The following LONP2 variants were observed in gnomAD, a reference collection of about 807,000 sequenced individuals.
The protein encoded by LONP2 is lon protease homolog 2, peroxisomal.
Under a neutral mutation model 85.6 loss-of-function variants are expected in LONP2, and 60 were observed. That is an observed-to-expected ratio of 0.70 (90% CI 0.57 to 0.87). The LOEUF (loss-of-function observed/expected upper bound fraction) is 0.87, where lower values mean the gene tolerates loss of function less well. Ranked by LOEUF, LONP2 falls within the 40% of genes least tolerant of loss-of-function variation. The probability of loss-of-function intolerance (pLI) is 0.00; values close to 1 mark genes in which losing one functional copy is unlikely to be tolerated. For synonymous variants in LONP2, 395 were observed against 389.7 expected (o/e 1.01, Z -0.16); for missense variants, 860 against 1,063.5 (o/e 0.81, Z 2.66).
rs887523936 is a variant in LONP2 at position 48,352,289 on chromosome 16, C to CCAAT, written c.*492_*495dup. The CCAAT allele has an allele frequency of 2.5e-5, 4 of 157,136 alleles. No individual in the cohort carries two copies. Among genetic ancestry groups the CCAAT allele is most frequent in the African/African-American group, 7.2e-5 (3 of 41,432 alleles). The allele number at this position is 157,136 out of a possible 1,614,324, so 9.7% of individuals were successfully genotyped here. A position where few individuals can be genotyped will look rare whatever the true frequency, so the allele number is the denominator to read the frequency against. ...CTGTAGAGTTTATTGGATCCTGAAA[C>CCAAT]CAATCAATTACTTAGAACTAGGCAA... On this transcript the variant is annotated 3_prime_UTR_variant, in exon 15 of 15. Coordinates refer to ENST00000285737, the MANE Select transcript of LONP2 (RefSeq NM_031490.5).
chr16:48,268,783 A>G (rs533394872), intron 6 of LONP2, among the ~76,000 whole-genome samples: 29 of 152,276 alleles, frequency 1.9e-4, no homozygotes, highest in Middle Eastern at 3.4e-3. Flanking sequence ...CAATAGTACT[A>G]TAATTAAATT....
intron 11 of LONP2, among the ~76,000 whole-genome samples, chr16:48,329,659 T>C (rs1010074934): frequency 2.0e-5 from 3 of 152,218 alleles, no homozygotes; most frequent in African/African-American, 7.2e-5. Context: ...TCTGGAAATG[T>C]ATCGCCTGTG....
Position 48,252,516 on chromosome 16 carries a change from T to C in LONP2, c.468+151T>C, listed in dbSNP as rs372743081. ...ATATATTAATTCTGATTTACTCTTA[T>C]CTGGGGTTGTACCTAAATCATTCCA... On this transcript the variant is annotated intron_variant, in intron 2 of 14. Transcript: ENST00000285737. 6.2e-5 allele frequency: 31 copies of C among 498,644 alleles called. No homozygotes were observed. The South Asian group carries it at 1.3e-3, about 22-fold the overall frequency. 30.9% of individuals were successfully genotyped at this position (498,644 alleles called of 1,614,324 possible).
At chr16:48,297,878 T>G (rs958776183) in intron 9 of LONP2, among the ~76,000 whole-genome samples, 6 of 152,190 alleles carry the variant, frequency 3.9e-5, no homozygotes, top group African/African-American at 1.4e-4. Flanking sequence ...TTTTGTATTT[T>G]TAGTAGAGAT....
In LONP2 at chr16:48,244,587, G is replaced by A. The variant is rs1177758201; in HGVS notation, c.199G>A (p.Ala67Thr). Residue 67 changes from alanine (A) to threonine (T), a missense_variant, in exon 1 of 15, where the codon GCC (alanine) becomes ACC (threonine). Physicochemically the swap from Ala to Thr is moderately conservative, Grantham distance 58 (BLOSUM62 0). Around this residue, in one of 3 missense-constraint regions of LONP2, gnomAD observed 743 missense variants for 917.3 expected, o/e 0.81. Coordinates refer to ENST00000285737, the MANE Select transcript of LONP2 (RefSeq NM_031490.5). ...LGVIPNTPDP[A>T]SDAQDLPPLH... Reference sequence around the variant, plus strand: ...CGTCATCCCCAACACGCCTGACCCCGCCAGCGACGCGCAGGACCTGCCGCC... The same window carrying A: ...CGTCATCCCCAACACGCCTGACCCCACCAGCGACGCGCAGGACCTGCCGCC... The A allele has an allele frequency of 6.7e-7, 1 of 1,493,316 alleles. No homozygotes were observed. Among genetic ancestry groups the A allele is most frequent in the East Asian group, 2.9e-5 (1 of 35,040 alleles). 92.5% of individuals were successfully genotyped at this position (1,493,316 alleles called of 1,614,324 possible).
intron 8 of LONP2, among the ~76,000 whole-genome samples, chr16:48,286,499 T>C (rs1596947832): frequency 1.3e-5 from 2 of 152,060 alleles, no homozygotes; most frequent in African/African-American, 4.8e-5. Context: ...ATGGTTTCCA[T>C]TGACTTCTCT....
intron 11 of LONP2, among the ~76,000 whole-genome samples, chr16:48,308,472 C>G (rs1371801333): frequency 6.6e-6 from 1 of 151,842 alleles, no homozygotes; most frequent in African/African-American, 2.4e-5. Flanking sequence ...ACTAAAAATA[C>G]AAAAATTAGC....
rs1192144058 is a variant in LONP2, at chr16:48,356,597, G to GT, written c.*4798dup. The stretch of plus-strand genomic sequence containing the variant: ...TCCAACACTAATGCTCATTTTTTTT[G>GT]TTTGTTTTACAAACATTTGGTGGAT... On this transcript the variant is annotated 3_prime_UTR_variant, in exon 15 of 15. Coordinates refer to ENST00000285737, the MANE Select transcript of LONP2 (RefSeq NM_031490.5). The GT allele has an allele frequency of 1.9e-4, 41 of 219,692 alleles. No individual in the cohort carries two copies. Among genetic ancestry groups the GT allele is most frequent in the Non-Finnish European group, 2.8e-4 (30 of 109,006 alleles). 13.6% of individuals were successfully genotyped at this position (219,692 alleles called of 1,614,324 possible).
At chr16:48,293,219 G>A (rs1007389138) in intron 8 of LONP2, among the ~76,000 whole-genome samples, 6 of 152,100 alleles carry the variant, frequency 3.9e-5, no homozygotes, top group Non-Finnish European at 7.4e-5. Flanking sequence ...ACGAGGTCAG[G>A]AGATCGAGAC....
At chr16:48,255,617 C>T (rs935489161) in intron 2 of LONP2, among the ~76,000 whole-genome samples, 1 of 152,096 alleles carries the variant, frequency 6.6e-6, no homozygotes, top group Non-Finnish European at 1.5e-5. Context: ...TGTGTCCCCA[C>T]CCAAATATCA....
At chr16:48,300,667 A>G (rs1467053606) in intron 10 of LONP2, among the ~76,000 whole-genome samples, 1 of 151,430 alleles carries the variant, frequency 6.6e-6, no homozygotes, top group Non-Finnish European at 1.5e-5. Flanking sequence ...ATCTATTTAG[A>G]TTTATATACA....
chr16:48,343,470 A>G (rs1959873630), intron 12 of LONP2, among the ~76,000 whole-genome samples: 2 of 152,166 alleles, frequency 1.3e-5, no homozygotes, highest in South Asian at 4.1e-4. Flanking sequence ...AGGCTGAGGC[A>G]GGTGGATCAT....
intron 5 of LONP2, 119 bp downstream of exon 5, chr16:48,261,706 A>G (rs1971883037): frequency 2.8e-6 from 2 of 710,626 alleles, no homozygotes; most frequent in Non-Finnish European, 4.3e-6. Flanking sequence ...TTCCACCTGC[A>G]GTGTGCTGTC....
chr16:48,333,168 G>A (rs1412798801), intron 11 of LONP2, among the ~76,000 whole-genome samples: 1 of 151,846 alleles, frequency 6.6e-6, no homozygotes, highest in Non-Finnish European at 1.5e-5. Context: ...TCTGGCCACA[G>A]ATTACGTAAT....
At chr16:48,323,959 C>G (rs1292781743) in intron 11 of LONP2, among the ~76,000 whole-genome samples, 1 of 152,162 alleles carries the variant, frequency 6.6e-6, no homozygotes, top group African/African-American at 2.4e-5. Context: ...CCTTGGCAGC[C>G]CTGGTCAGTA....
At chr16:48,256,387 G>A (rs1971761312) in intron 2 of LONP2, among the ~76,000 whole-genome samples, 1 of 152,164 alleles carries the variant, frequency 6.6e-6, no homozygotes, top group Non-Finnish European at 1.5e-5. Context: ...GTAAACATTA[G>A]TGTTAACTAC....
chr16:48,339,280 A>G (rs1351473579), intron 12 of LONP2, among the ~76,000 whole-genome samples: 2 of 152,216 alleles, frequency 1.3e-5, no homozygotes, highest in African/African-American at 4.8e-5. Context: ...TTCAAGAAAG[A>G]GGGGACATCA....
At chr16:48,321,052 GT>G (rs1660861142) in intron 11 of LONP2, among the ~76,000 whole-genome samples, 2 of 152,088 alleles carry the variant, frequency 1.3e-5, no homozygotes, top group Admixed American at 6.6e-5. Flanking sequence ...TCCCACCTCA[GT>G]CCCTAGAGTA....
At chr16:48,283,450 T>C (rs1972372621) in intron 8 of LONP2, among the ~76,000 whole-genome samples, 1 of 152,316 alleles carries the variant, frequency 6.6e-6, no homozygotes, top group African/African-American at 2.4e-5. Flanking sequence ...ATGCAGCTGG[T>C]GACTTTAAGA....
Sources: allele counts gnomAD v4.1 joint callset (sites outside exome capture counted in the v4.1 genomes callset), GRCh38; gene constraint gnomAD v4.1.1; regional missense constraint gnomAD v4.1.1; transcripts MANE v1.5; gene names NCBI Gene and HGNC (gene_info 2026-07-23, HGNC 2026-07-21).